Variants in MAP3K7 observed in about 807,000 individuals in gnomAD.
MAP3K7 encodes the protein TGF-beta activated kinase 1.
A neutral mutation model predicts 84.8 loss-of-function variants in MAP3K7; 21 were observed. The observed-to-expected ratio is 0.25, with a 90% CI of 0.18 to 0.36. The LOEUF is 0.36. MAP3K7 is among the 10% of genes least tolerant of loss of function. The pLI is 1.00. For missense variants in MAP3K7, 503 were observed against 747.7 expected, an observed-to-expected ratio of 0.67 and a Z score of 3.82; for synonymous variants, 241 against 247.7, an observed-to-expected ratio of 0.97 and a Z score of 0.25.
chr6:90,546,144 C>T (rs1003605358), intron 11 of MAP3K7, among the ~76,000 whole-genome samples: 4 of 152,008 alleles, frequency 2.6e-5, no homozygotes, highest in East Asian at 1.9e-4. Flanking sequence ...ACTGTTATTT[C>T]GGATATTCTG....
chr6:90,541,102 T>C (rs373379847), intron 12 of MAP3K7, among the ~76,000 whole-genome samples: 1 of 151,918 alleles, frequency 6.6e-6, no homozygotes, highest in Admixed American at 6.6e-5. Context: ...ATTAAAGTCC[T>C]AGAACAAAAA....
intron 13 of MAP3K7, among the ~76,000 whole-genome samples, chr6:90,535,289 T>C (rs1775631995): frequency 1.3e-5 from 2 of 151,852 alleles, no homozygotes; most frequent in African/African-American, 4.8e-5. Context: ...ATTATACAAA[T>C]GATATAATAA....
intron 1 of MAP3K7, among the ~76,000 whole-genome samples, chr6:90,578,098 GT>G (rs2127783944): frequency 1.3e-5 from 2 of 152,246 alleles, no homozygotes; most frequent in East Asian, 3.9e-4. Flanking sequence ...CATAAAAGAG[GT>G]AAGTATTACA....
chr6:90,576,041 T>C (rs1243913535), intron 1 of MAP3K7, among the ~76,000 whole-genome samples: 1 of 151,918 alleles, frequency 6.6e-6, no homozygotes, highest in Non-Finnish European at 1.5e-5. Flanking sequence ...AAATGCCACA[T>C]AGAACAACGA....
chr6:90,576,674 G>A (rs529873798), intron 1 of MAP3K7, among the ~76,000 whole-genome samples: 1 of 152,186 alleles, frequency 6.6e-6, no homozygotes, highest in African/African-American at 2.4e-5. Context: ...AGGGAGTTGT[G>A]TGCTAAGAAG....
chr6:90,555,889 G>C (rs1010964070), intron 6 of MAP3K7, among the ~76,000 whole-genome samples: 1 of 152,132 alleles, frequency 6.6e-6, no homozygotes, highest in Non-Finnish European at 1.5e-5. Context: ...ACTCATGCCT[G>C]AATGAAGATA....
chr6:90,586,301 A>T (rs542652224), intron 1 of MAP3K7, among the ~76,000 whole-genome samples: 1 of 148,394 alleles, frequency 6.7e-6, no homozygotes, highest in Admixed American at 6.8e-5. Context: ...GAACCCGGGA[A>T]GCGGAGCTTG....
At chr6:90,581,385 C>A (rs551109694) in intron 1 of MAP3K7, among the ~76,000 whole-genome samples, 1 of 152,086 alleles carries the variant, frequency 6.6e-6, no homozygotes, top group Non-Finnish European at 1.5e-5. Context: ...AAATGCGGAA[C>A]AAGACAGAAC....
intron 7 of MAP3K7, 149 bp downstream of exon 7, chr6:90,553,309 G>T: frequency 2.6e-6 from 2 of 763,816 alleles, no homozygotes; most frequent in Non-Finnish European, 4.1e-6. Context: ...GGACAGGGCA[G>T]AGTCTGATAA....
Position 90,583,477 on chromosome 6 carries a change from T to C in MAP3K7, c.120+3287A>G, listed in dbSNP as rs182729031. On this transcript the variant is annotated intron_variant, in intron 1 of 16. Coordinates refer to ENST00000369329, the MANE Select transcript of MAP3K7 (RefSeq NM_145331.3). Reference sequence around the variant, plus strand: ...GCTTGTCAATATCTGTACAATGGGATATCATTTGCCCTGTCAACCCAGGAT... The same window carrying C: ...GCTTGTCAATATCTGTACAATGGGACATCATTTGCCCTGTCAACCCAGGAT... 1.7e-3 allele frequency among the ~76,000 whole-genome samples: 259 copies of C among 152,340 alleles called. 1 individual carries two copies. The highest frequency in any genetic ancestry group is 2.2e-3 in the Non-Finnish European group (153 of 68,038).
At chr6:90,536,635 G>GT in intron 12 of MAP3K7, 1 of 491,520 alleles carries the variant, frequency 2.0e-6, no homozygotes, top group Non-Finnish European at 3.7e-6. Context: ...CTACAACAGA[G>GT]TATGTCCTAA....
rs762676653 is a variant in MAP3K7 at position 90,541,247 on chromosome 6, AC to A, written c.1291+3304del. On this transcript the variant is annotated intron_variant, in intron 12 of 16. Coordinates refer to ENST00000369329, the MANE Select transcript of MAP3K7 (RefSeq NM_145331.3). ...TTTAAAACTCAAGTTTTAATAAAAAACATTTAAGAAAATCTATTTCTTTTCT... is the reference window on the plus strand; with the variant it reads ...TTTAAAACTCAAGTTTTAATAAAAAAATTTAAGAAAATCTATTTCTTTTCT... Among the ~76,000 whole-genome samples the A allele has an allele frequency of 3.8e-4, 58 of 152,148 alleles. 1 individual carries two copies. Among genetic ancestry groups the A allele is most frequent in the Admixed American group, 2.0e-3 (31 of 15,258 alleles).
intron 7 of MAP3K7, 122 bp downstream of exon 7, chr6:90,553,336 T>C: frequency 2.0e-6 from 2 of 1,023,836 alleles, no homozygotes; most frequent in Non-Finnish European, 2.9e-6. Context: ...AGCAGTCTCT[T>C]AACAAAGAAT....
intron 14 of MAP3K7, among the ~76,000 whole-genome samples, chr6:90,523,099 G>A (rs1346275201): frequency 6.6e-6 from 1 of 152,082 alleles, no homozygotes; most frequent in Non-Finnish European, 1.5e-5. Flanking sequence ...TACTAATATT[G>A]TGAACAGTTA....
At chr6:90,586,498 C>A (rs1777460019) in intron 1 of MAP3K7, among the ~76,000 whole-genome samples, 1 of 152,148 alleles carries the variant, frequency 6.6e-6, no homozygotes, top group African/African-American at 2.4e-5. Context: ...CACTATCTCA[C>A]CAGTTCATTC....
chr6:90,520,214 G>C (rs1775102684), intron 14 of MAP3K7, among the ~76,000 whole-genome samples: 1 of 151,898 alleles, frequency 6.6e-6, no homozygotes, highest in East Asian at 1.9e-4. Context: ...CTAAATGAGT[G>C]AGCTCTTCAG....
At chr6:90,530,658 C>A (rs905864347) in intron 13 of MAP3K7, among the ~76,000 whole-genome samples, 6 of 151,946 alleles carry the variant, frequency 3.9e-5, no homozygotes, top group African/African-American at 1.5e-4. Context: ...AAATGTGTAT[C>A]TCAATAAATA....
intron 3 of MAP3K7, among the ~76,000 whole-genome samples, chr6:90,562,126 T>C (rs1368513234): frequency 3.9e-5 from 6 of 152,244 alleles, no homozygotes; most frequent in East Asian, 1.9e-4. Flanking sequence ...GATGGCCAAA[T>C]AGGAAAAGCT....
chr6:90,526,344 G>A (rs1775321706), intron 13 of MAP3K7, among the ~76,000 whole-genome samples: 1 of 151,934 alleles, frequency 6.6e-6, no homozygotes, highest in African/African-American at 2.4e-5. Context: ...TATGTACTAA[G>A]CTATAAAGCA....
Sources: gnomAD v4.1 joint callset for allele counts (sites outside exome capture counted in the v4.1 genomes callset) on GRCh38, gnomAD v4.1.1 for gene constraint, MANE v1.5 for transcripts, NCBI Gene and HGNC (gene_info 2026-07-23, HGNC 2026-07-21) for gene names.